ZNF469: variants seen among roughly 807,000 people sequenced by gnomAD.
The protein encoded by ZNF469 is zinc finger protein 469.
ZNF469 carries 1 observed loss-of-function variant against 1.0 expected under a neutral mutation model. The observed-to-expected ratio is 1.00, with a 90% confidence interval of 0.35 to 4.73. The LOEUF is 4.73. ZNF469 is among the 30% of genes most tolerant of loss of function. The pLI, the probability that ZNF469 is intolerant of heterozygous loss-of-function variation, is 0.16. For missense variants in ZNF469, 6,100 were observed against 5,356.3 expected (o/e 1.14, Z -4.33); for synonymous variants, 2,703 against 2,363.4 (o/e 1.14, Z -4.17).
chr16:88,261,698 C>T, the ZNF469 span, among the ~76,000 whole-genome samples: 1 of 152,128 alleles, frequency 6.6e-6, no homozygotes, highest in Non-Finnish European at 1.5e-5. This position sits in a 1 kb window ranked among gnomAD's most constrained non-coding sequence, Gnocchi z 6.0. Context: ...CCCAGCCCTA[C>T]CACAGGGCAA....
the ZNF469 span, among the ~76,000 whole-genome samples, chr16:88,345,414 C>G: frequency 6.6e-6 from 1 of 152,212 alleles, no homozygotes; most frequent in Non-Finnish European, 1.5e-5. Flanking sequence ...TCCGTGTGGC[C>G]CAGGGCTTCC....
the ZNF469 span, among the ~76,000 whole-genome samples, chr16:88,291,974 G>A: frequency 1.3e-5 from 2 of 152,214 alleles, no homozygotes; most frequent in African/African-American, 2.4e-5. Context: ...GGAAGGGGCT[G>A]GAGCCGAAGG....
chr16:88,218,366 C>T, the ZNF469 span, among the ~76,000 whole-genome samples: 1,890 of 134,230 alleles, frequency 0.014, 14 homozygotes, highest in South Asian at 0.052. Context: ...GAGTAGGTTG[C>T]GAAAATTTTC....
At chr16:88,296,070 G>A in the ZNF469 span, among the ~76,000 whole-genome samples, 10 of 152,272 alleles carry the variant, frequency 6.6e-5, no homozygotes, top group East Asian at 3.9e-4. Flanking sequence ...GGGTGGAAGC[G>A]AGCCCGCCCG....
At chr16:88,102,068 C>T in the ZNF469 span, among the ~76,000 whole-genome samples, 1 of 139,064 alleles carries the variant, frequency 7.2e-6, no homozygotes, top group Non-Finnish European at 1.6e-5. Context: ...CCCACCCCCG[C>T]CCCCCGCCCA....
At chr16:88,309,149 G>A in the ZNF469 span, among the ~76,000 whole-genome samples, 14 of 152,206 alleles carry the variant, frequency 9.2e-5, no homozygotes, top group Admixed American at 2.6e-4. Context: ...ATCCTGCCCT[G>A]TGCGTGTTGC....
the ZNF469 span, among the ~76,000 whole-genome samples, chr16:88,336,191 CT>C: frequency 2.0e-5 from 3 of 149,294 alleles, no homozygotes; most frequent in Admixed American, 1.3e-4. Context: ...TCATCCTTCA[CT>C]TGAGACACTA....
intron 1 of ZNF469, among the ~76,000 whole-genome samples, chr16:88,387,062 A>G (rs924516285): frequency 6.6e-5 from 10 of 152,118 alleles, no homozygotes; most frequent in African/African-American, 1.4e-4. Context: ...CACCCAGTCT[A>G]TACTCTGCTT....
At chr16:88,270,272 G>T in the ZNF469 span, among the ~76,000 whole-genome samples, 1 of 152,150 alleles carries the variant, frequency 6.6e-6, no homozygotes, top group Admixed American at 6.5e-5. Context: ...TCCCAGCCCT[G>T]CCACCCATCC....
chr16:88,178,398 A>G, the ZNF469 span: 1 of 152,146 alleles, frequency 6.6e-6, no homozygotes, highest in Non-Finnish European at 1.5e-5. Flanking sequence ...CGTTCTGAGA[A>G]CTGAGCACTC....
the ZNF469 span, among the ~76,000 whole-genome samples, chr16:88,229,562 A>C: frequency 8.0e-6 from 1 of 125,620 alleles, no homozygotes; most frequent in East Asian, 2.5e-4. Flanking sequence ...ACACGTGTGG[A>C]TGTCACGCTT....
upstream of ZNF469, among the ~76,000 whole-genome samples, chr16:88,379,808 C>T (rs560414851): frequency 6.6e-6 from 1 of 152,072 alleles, no homozygotes; most frequent in Non-Finnish European, 1.5e-5. Context: ...AGGTGTGCCG[C>T]GGGCCTTGGC....
the ZNF469 span, among the ~76,000 whole-genome samples, chr16:88,335,476 G>T: frequency 0.077 from 11,724 of 152,274 alleles, 497 homozygotes; most frequent in East Asian, 0.12. Flanking sequence ...TCCCCACAGG[G>T]CCACTCTGGC....
At chr16:88,292,798 C>CA in the ZNF469 span, among the ~76,000 whole-genome samples, 72,502 of 111,062 alleles carry the variant, frequency 0.65, 23,958 homozygotes, top group East Asian at 0.8. Flanking sequence ...CCTGTGTTAT[C>CA]AAAAAAAAAA....
intron 1 of ZNF469, among the ~76,000 whole-genome samples, chr16:88,422,972 AATGGATGG>A (rs1165010849): frequency 7.3e-6 from 1 of 137,206 alleles, no homozygotes; most frequent in South Asian, 2.5e-4. Context: ...TGGATGGATT[AATGGATGG>A]ATGGATGGAT....
rs273585621 is a variant in ZNF469, at chr16:88,432,380, G to A, written c.4910G>A (p.Arg1637Gln). The A allele has an allele frequency of 5.6e-5, 87 of 1,549,216 alleles. No individual in the cohort carries two copies. In the East Asian group the frequency reaches 9.3e-4, roughly 17 times the overall value. The stretch of plus-strand genomic sequence containing the variant: ...CGCGTTGGAGAATCCACTGCACATC[G>A]GGAGGGTGCGGAATCGGCTGTGGCC... ...LTRVGESTAH[R>Q]EGAESAVATV... The change falls in exon 3 of 3, where the codon CGG becomes CAG. Residue 1637 changes from arginine (R) to glutamine (Q), a missense_variant. Physicochemically the swap from Arg to Gln is conservative, Grantham distance 43 (BLOSUM62 1). Coordinates refer to ENST00000565624, the MANE Select transcript of ZNF469 (RefSeq NM_001367624.2).
At chr16:88,128,257 G>A in the ZNF469 span, among the ~76,000 whole-genome samples, 7 of 152,126 alleles carry the variant, frequency 4.6e-5, no homozygotes, top group Admixed American at 6.5e-5. Context: ...GGCCTTTCTC[G>A]GGGGGCTGTC....
chr16:88,204,450 C>T, the ZNF469 span, among the ~76,000 whole-genome samples: 2 of 152,258 alleles, frequency 1.3e-5, no homozygotes, highest in East Asian at 1.9e-4. Flanking sequence ...TTCTGTTTCC[C>T]ACTTCTTTCA....
At chr16:88,296,354 A>G in the ZNF469 span, among the ~76,000 whole-genome samples, 10 of 152,170 alleles carry the variant, frequency 6.6e-5, no homozygotes, top group Middle Eastern at 3.2e-3. Context: ...ACACACACTC[A>G]CACACACATG....
Sources: allele counts gnomAD v4.1 joint callset (sites outside exome capture counted in the v4.1 genomes callset), GRCh38; gene constraint gnomAD v4.1.1; non-coding constraint Gnocchi (gnomAD v3.1); transcripts MANE v1.5; gene names NCBI Gene and HGNC (gene_info 2026-07-23, HGNC 2026-07-21).